The following CBLB variants were observed in gnomAD, a reference collection of about 807,000 sequenced individuals.
CBLB encodes Cbl proto-oncogene B.
A neutral mutation model predicts 104.9 loss-of-function variants in CBLB; 31 were observed. That is an observed-to-expected ratio of 0.30 (90% confidence interval 0.22 to 0.40). The LOEUF (loss-of-function observed/expected upper bound fraction) is 0.40. Ranked by LOEUF, CBLB falls within the 10% of genes least tolerant of loss-of-function variation. The pLI, the probability that CBLB is intolerant of heterozygous loss-of-function variation, is 1.00. For missense variants in CBLB, 1,062 were observed against 1,214.6 expected (o/e 0.87, Z 1.87); for synonymous variants, 440 against 422.6 (o/e 1.04, Z -0.51).
intron 3 of CBLB, among the ~76,000 whole-genome samples, chr3:105,799,975 T>A (rs1270826875): frequency 6.6e-6 from 1 of 152,172 alleles, no homozygotes; most frequent in Non-Finnish European, 1.5e-5. Context: ...GCCAGGGACA[T>A]AATTTTAAAA....
At chr3:105,756,277 A>G (rs1374721954) in intron 4 of CBLB, among the ~76,000 whole-genome samples, 1 of 152,212 alleles carries the variant, frequency 6.6e-6, no homozygotes, top group Non-Finnish European at 1.5e-5. Context: ...AAAATTGAAC[A>G]TGGTTGCTGA....
chr3:105,755,237 T>C (rs112275300), intron 4 of CBLB, among the ~76,000 whole-genome samples: 40 of 151,936 alleles, frequency 2.6e-4, no homozygotes, highest in African/African-American at 9.2e-4. Flanking sequence ...GTCCATGTGA[T>C]CTCATTGTTC....
intron 3 of CBLB, among the ~76,000 whole-genome samples, chr3:105,783,491 A>G (rs1029012883): frequency 3.9e-5 from 6 of 152,048 alleles, no homozygotes; most frequent in African/African-American, 1.4e-4. Flanking sequence ...ATTCAGAAAC[A>G]GCAAACAATG....
rs2068344259 is a variant in CBLB at position 105,696,075 on chromosome 3, CAT to C, written c.1960-2489_1960-2488del. The stretch of plus-strand genomic sequence containing the variant: ...ACACATACATATATATACATACATA[CAT>C]ATATACACATACACACACACACACA... On this transcript the variant is annotated intron_variant, in intron 12 of 18. Coordinates refer to ENST00000394030, the MANE Select transcript of CBLB (RefSeq NM_170662.5). Among the ~76,000 whole-genome samples the C allele has an allele frequency of 5.3e-5, 8 of 151,344 alleles. No individual in the cohort carries two copies. The South Asian group carries it at 1.7e-3, about 31-fold the overall frequency.
chr3:105,760,119 G>A (rs1334019685), intron 4 of CBLB, among the ~76,000 whole-genome samples: 1 of 152,164 alleles, frequency 6.6e-6, no homozygotes, highest in East Asian at 1.9e-4. Context: ...TCACATGATA[G>A]ATTTAATGCT....
intron 3 of CBLB, among the ~76,000 whole-genome samples, chr3:105,828,887 T>A (rs970368360): frequency 6.6e-6 from 1 of 152,202 alleles, no homozygotes; most frequent in South Asian, 2.1e-4. Flanking sequence ...GGACATTTCA[T>A]GACATCACCT....
chr3:105,759,955 A>T (rs2077458204), intron 4 of CBLB, among the ~76,000 whole-genome samples: 1 of 152,214 alleles, frequency 6.6e-6, no homozygotes, highest in Non-Finnish European at 1.5e-5. Flanking sequence ...CCAGATGGGC[A>T]GCTGGGGCCA....
rs1350116718 is a variant in CBLB at position 105,751,638 on chromosome 3, A to G, written c.567-20T>C. ...ATAGTTCTGTGCAAGGTGGAAAAAA[A>G]GGGAAATAATTGAATCAAGTATCAT... On this transcript the variant is annotated intron_variant, in intron 4 of 18. Transcript: ENST00000394030. 2 of 1,604,110 alleles carry G rather than the reference A, an allele frequency of 1.2e-6. No homozygotes were observed. The highest frequency in any genetic ancestry group is 1.3e-5 in the African/African-American group (1 of 74,720).
chr3:105,663,214 GTTAC>G (rs2064000266), intron 18 of CBLB, among the ~76,000 whole-genome samples: 2 of 152,146 alleles, frequency 1.3e-5, no homozygotes, highest in Non-Finnish European at 2.9e-5. Context: ...AGTTACTTCT[GTTAC>G]TACCTGAGAC....
rs140483751 is a variant in CBLB, at chr3:105,669,065, A to AATCCATCCATCCATCC, written c.2689+1152_2689+1167dup. On this transcript the variant is annotated intron_variant, in intron 18 of 18. Coordinates refer to ENST00000394030, the MANE Select transcript of CBLB (RefSeq NM_170662.5). The stretch of plus-strand genomic sequence containing the variant: ...CTCCTTTTGCCTATTTGTCCACTCA[A>AATCCATCCATCCATCC]ATCCATCCATCCATCCATCCATCCA... Among the ~76,000 whole-genome samples, 1,448 of 149,950 alleles carry AATCCATCCATCCATCC rather than the reference A, an allele frequency of 9.7e-3. 22 individuals are homozygous for AATCCATCCATCCATCC. The highest frequency in any genetic ancestry group is 0.033 in the African/African-American group (1,354 of 40,672).
chr3:105,821,288 C>CTATA (rs2085826060), intron 3 of CBLB, among the ~76,000 whole-genome samples: 1 of 151,866 alleles, frequency 6.6e-6, no homozygotes, highest in Admixed American at 6.6e-5. Context: ...ATCTATCTAT[C>CTATA]TATCACCTAC....
chr3:105,801,659 C>A (rs550831967), intron 3 of CBLB, among the ~76,000 whole-genome samples: 1 of 152,328 alleles, frequency 6.6e-6, no homozygotes, highest in South Asian at 2.1e-4. Flanking sequence ...ACAGGCTGGG[C>A]CTTGCCCACC....
At chr3:105,666,245 A>T (rs2064443668) in intron 18 of CBLB, among the ~76,000 whole-genome samples, 1 of 152,178 alleles carries the variant, frequency 6.6e-6, no homozygotes, top group Non-Finnish European at 1.5e-5. Flanking sequence ...ACAATAACAG[A>T]ATTAGAAAAA....
intron 6 of CBLB, among the ~76,000 whole-genome samples, chr3:105,742,966 A>G (rs1398536701): frequency 1.3e-5 from 2 of 152,182 alleles, no homozygotes; most frequent in African/African-American, 4.8e-5. Flanking sequence ...CAAGCAATTC[A>G]TGTATATAAG....
chr3:105,706,402 G>GA (rs1158696972), intron 10 of CBLB, among the ~76,000 whole-genome samples: 1 of 152,012 alleles, frequency 6.6e-6, no homozygotes, highest in Non-Finnish European at 1.5e-5. Context: ...CACTGAAGGA[G>GA]AAAATAAAGA....
chr3:105,702,242 A>G lies in CBLB; in HGVS notation c.1811T>C (p.Leu604Pro), dbSNP rs373062024. The change falls in exon 12 of 19, where the codon CTT becomes CCT. Residue 604 changes from leucine to proline, a missense_variant. Physicochemically the swap from Leu to Pro is moderately conservative, Grantham distance 98. Around this residue, in one of 2 missense-constraint regions of CBLB, gnomAD observed 605 missense variants for 582.6 expected, o/e 1.04. Coordinates refer to ENST00000394030, the MANE Select transcript of CBLB (RefSeq NM_170662.5). ...CTCCCCTAGGAGTCGACATCCCACA[A>G]GCTGATTAGTCCCAAACACATCCCG... is the stretch of plus-strand genomic sequence containing the variant. ...CPRDVFGTNQ[L>P]VGCRLLGEGS... 4.3e-6 allele frequency: 7 copies of G among 1,613,942 alleles called. No individual in the cohort carries two copies. The highest frequency in any genetic ancestry group is 1.3e-5 in the African/African-American group (1 of 74,878).
intron 3 of CBLB, among the ~76,000 whole-genome samples, chr3:105,800,440 C>T (rs1299860659): frequency 6.6e-6 from 1 of 152,068 alleles, no homozygotes; most frequent in Non-Finnish European, 1.5e-5. Context: ...TTACCAGGGC[C>T]CATCCTGGCT....
chr3:105,711,246 A>C (rs2301040), intron 10 of CBLB, among the ~76,000 whole-genome samples: 32,627 of 151,780 alleles, frequency 0.21, 3,637 homozygotes, highest in Admixed American at 0.26. Context: ...CATATCTGAA[A>C]AAGGTATATA....
intron 4 of CBLB, among the ~76,000 whole-genome samples, 160 bp from the exon 5 acceptor site, chr3:105,751,778 T>TG (rs1488453263): frequency 6.6e-6 from 1 of 152,230 alleles, no homozygotes; most frequent in African/African-American, 2.4e-5. Flanking sequence ...ACAAATGTAG[T>TG]GGGTTCTGTT....
Sources: gnomAD v4.1 joint callset for allele counts (sites outside exome capture counted in the v4.1 genomes callset) on GRCh38, gnomAD v4.1.1 for gene constraint, gnomAD v4.1.1 regional missense constraint, MANE v1.5 for transcripts, NCBI Gene and HGNC (gene_info 2026-07-23, HGNC 2026-07-21) for gene names.